Variants in ABCA4 observed in about 807,000 individuals in gnomAD.
ABCA4 encodes ATP binding cassette subfamily A member 4, also known as retinal-specific phospholipid-transporting ATPase ABCA4.
ABCA4 carries 196 observed loss-of-function variants against 263.7 expected under a neutral mutation model. The ratio of observed to expected loss-of-function variants is 0.74; its 90% CI spans 0.66 to 0.84. The LOEUF is 0.84. Ranked by LOEUF, ABCA4 falls within the 40% of genes least tolerant of loss-of-function variation. ABCA4 has a pLI of 0.00. For synonymous variants in ABCA4, 1,133 were observed against 1,094.2 expected (o/e 1.04, Z -0.70); for missense variants, 2,792 against 2,855.1 (o/e 0.98, Z 0.50).
intron 36 of ABCA4, 164 bp downstream of exon 36, chr1:94,019,418 G>T: frequency 2.6e-6 from 2 of 771,302 alleles, no homozygotes; most frequent in South Asian, 1.9e-5. Flanking sequence ...GCCTTTCTGA[G>T]AAGATGTCAA....
At chr1:94,002,233 C>T (rs1005586467) in intron 44 of ABCA4, among the ~76,000 whole-genome samples, 6 of 152,146 alleles carry the variant, frequency 3.9e-5, no homozygotes, top group African/African-American at 7.2e-5. Flanking sequence ...TGGGTGTAGC[C>T]GCCTGGGAAA....
intron 6 of ABCA4, 38 bp downstream of exon 6, chr1:94,098,744 TACCCCAGGAATC>T: frequency 6.2e-7 from 1 of 1,600,152 alleles, no homozygotes; most frequent in Non-Finnish European, 8.6e-7. Flanking sequence ...GAGGCTCTGC[TACCCCAGGAATC>T]ACCTTGCAAT....
chr1:94,061,084 G>A (rs148759568), intron 13 of ABCA4, among the ~76,000 whole-genome samples: 3 of 152,286 alleles, frequency 2.0e-5, no homozygotes, highest in Admixed American at 6.5e-5. Flanking sequence ...CTGCAGACTT[G>A]ATGATGTGGA....
intron 14 of ABCA4, among the ~76,000 whole-genome samples, chr1:94,059,228 A>G (rs550060): frequency 0.46 from 69,202 of 151,976 alleles, 16,683 homozygotes; most frequent in Non-Finnish European, 0.53. Context: ...CTGGGAAAAG[A>G]AGCAGACTGA....
chr1:94,056,029 G>C (rs1660969171), intron 15 of ABCA4, among the ~76,000 whole-genome samples: 1 of 152,218 alleles, frequency 6.6e-6, no homozygotes, highest in Non-Finnish European at 1.5e-5. Context: ...TCTGGGAATT[G>C]TGAACTAGGA....
Position 94,063,326 on chromosome 1 carries a change from A to G in ABCA4, c.1555-9T>C, listed in dbSNP as rs1322492190. On this transcript the variant is annotated splice_polypyrimidine_tract_variant and intron_variant, in intron 11 of 49. Transcript: ENST00000370225. ...TTATCCAGGACCAAGCACTGCAGAG[A>G]GTCACAAAGTTGAGAGAGTGTGAGG... 3 of 1,613,874 alleles carry G rather than the reference A, an allele frequency of 1.9e-6. No homozygotes were observed. In the South Asian group the frequency reaches 3.3e-5, roughly 18 times the overall value.
Position 94,044,094 on chromosome 1 carries a change from TTTCCTTCCTTCCTTCC to T in ABCA4, c.3050+503_3050+518del, listed in dbSNP as rs1218365138. ...CCTTCTCCCCTCCCTCCCTCCCTTC[TTTCCTTCCTTCCTTCC>T]TTCCTTCCTTCCTCCCTTCCTTCCT... On this transcript the variant is annotated intron_variant, in intron 20 of 49. Transcript: ENST00000370225. 5.8e-4 allele frequency among the ~76,000 whole-genome samples: 7 copies of T among 12,156 alleles called. No individual in the cohort carries two copies. The Admixed American group carries it at 6.9e-3, about 12-fold the overall frequency. 8.0% of individuals were successfully genotyped at this position (12,156 alleles called of 152,430 possible). A position where few individuals can be genotyped will look rare whatever the true frequency, so the allele number is the denominator to read the frequency against.
chr1:94,008,331 A>G, intron 41 of ABCA4, 34 bp from the exon 42 acceptor site: 1 of 1,603,308 alleles, frequency 6.2e-7, no homozygotes. Flanking sequence ...CTGAGAACTG[A>G]GACAGGGTGA....
intron 5 of ABCA4, among the ~76,000 whole-genome samples, chr1:94,102,137 G>T (rs1487810844): frequency 2.6e-5 from 4 of 152,198 alleles, no homozygotes; most frequent in African/African-American, 9.7e-5. Flanking sequence ...TTGTTGTGAG[G>T]AGTAAGGGAG....
rs145634012 is a variant in ABCA4, at chr1:93,993,227, G to C, written c.*10C>G. On this transcript the variant is annotated 3_prime_UTR_variant, in exon 50 of 50. Transcript: ENST00000370225. ...TCCTTTCTGGCTGCAGGAACGAGCG[G>C]TGTGAAAGATCAGTCCTGTGGAAGG... 2 of 1,613,904 alleles carry C rather than the reference G, an allele frequency of 1.2e-6. No homozygotes were observed. Among genetic ancestry groups the C allele is most frequent in the Non-Finnish European group, 1.7e-6 (2 of 1,179,848 alleles).
intron 33 of ABCA4, 25 bp from the exon 34 acceptor site, chr1:94,021,739 C>G: frequency 1.2e-6 from 2 of 1,611,006 alleles, no homozygotes; most frequent in Non-Finnish European, 1.7e-6. Flanking sequence ...AACAAACAAA[C>G]AAGACGGTTT....
At chr1:94,039,125 G>T (rs899472492) in intron 24 of ABCA4, among the ~76,000 whole-genome samples, 1 of 152,122 alleles carries the variant, frequency 6.6e-6, no homozygotes, top group Non-Finnish European at 1.5e-5. Flanking sequence ...CCACAGCAAG[G>T]CAGGCTAGGA....
chr1:94,114,135 T>C (rs1391672368), intron 1 of ABCA4, among the ~76,000 whole-genome samples: 1 of 152,224 alleles, frequency 6.6e-6, no homozygotes, highest in East Asian at 1.9e-4. Flanking sequence ...TGTAACCCTT[T>C]GTTGTTTTCC....
At chr1:94,069,618 A>G (rs2151849) in intron 11 of ABCA4, among the ~76,000 whole-genome samples, 43,991 of 152,158 alleles carry the variant, frequency 0.29, 6,862 homozygotes, top group East Asian at 0.59. Context: ...AGAAATGCCA[A>G]TGGATGTGGG....
intron 1 of ABCA4, among the ~76,000 whole-genome samples, chr1:94,118,876 T>C (rs1662872414): frequency 6.6e-6 from 1 of 152,246 alleles, no homozygotes; most frequent in Non-Finnish European, 1.5e-5. Context: ...CACAGCGACA[T>C]GAGCGCCACA....
At chr1:94,119,764 C>T (rs948341396) in intron 1 of ABCA4, among the ~76,000 whole-genome samples, 5 of 152,202 alleles carry the variant, frequency 3.3e-5, no homozygotes, top group South Asian at 2.1e-4. Context: ...TTAGCTAACA[C>T]CTTTTCATAT....
chr1:94,030,922 G>C, intron 28 of ABCA4, 74 bp downstream of exon 28: 2 of 1,600,190 alleles, frequency 1.2e-6, no homozygotes, highest in Non-Finnish European at 1.7e-6. Flanking sequence ...GGGAAGGTCA[G>C]GGCCCTTCTA....
At chr1:94,046,037 G>T in intron 19 of ABCA4, 1 of 439,046 alleles carries the variant, frequency 2.3e-6, no homozygotes, top group South Asian at 1.6e-5. Context: ...TACTCCACAA[G>T]CCCCTCTAGA....
rs778422185 is a variant in ABCA4 at position 94,111,571 on chromosome 1, G to C, written c.169C>G (p.Pro57Ala). ...PLYSHHECHF[P>A]NKAMPSAGML... is the part of the protein sequence containing the mutation. ...CCTGCTGAGGGCATCGCCTTGTTGG[G>C]GAAATGGCCTTTAAAACAGAAAATG... Residue 57 changes from proline (P) to alanine (A), a missense_variant, in exon 3 of 50, where the codon CCC (proline) becomes GCC (alanine). Pro to Ala is a conservative substitution (Grantham distance 27). Transcript: ENST00000370225. 3 of 1,614,232 alleles carry C rather than the reference G, an allele frequency of 1.9e-6. No homozygotes were observed. The South Asian group carries it at 3.3e-5, about 18-fold the overall frequency.
Sources: allele counts gnomAD v4.1 joint callset (sites outside exome capture counted in the v4.1 genomes callset), GRCh38; gene constraint gnomAD v4.1.1; transcripts MANE v1.5; gene names NCBI Gene and HGNC (gene_info 2026-07-23, HGNC 2026-07-21).